Variants in REV1 observed in about 807,000 individuals in gnomAD.
REV1 encodes REV1 DNA directed polymerase.
In REV1, 42 loss-of-function variants were observed where a neutral mutation model predicts 137.4. The observed-to-expected ratio is 0.31, with a 90% CI of 0.24 to 0.40. The LOEUF (loss-of-function observed/expected upper bound fraction) is 0.40. REV1 is among the 10% of genes least tolerant of loss of function. The pLI is 1.00. For synonymous variants in REV1, 524 were observed against 519.2 expected, an observed-to-expected ratio of 1.01 and a Z score of -0.12; for missense variants, 1,282 against 1,490.1, an observed-to-expected ratio of 0.86 and a Z score of 2.30.
At chr2:99,485,543 C>A (rs544601925) in intron 1 of REV1, among the ~76,000 whole-genome samples, 3 of 152,326 alleles carry the variant, frequency 2.0e-5, no homozygotes, top group Non-Finnish European at 4.4e-5. Flanking sequence ...CACGAAGCCT[C>A]CAGCAAGTCC....
chr2:99,409,786 T>C (rs1299468794), intron 14 of REV1, among the ~76,000 whole-genome samples: 2 of 144,330 alleles, frequency 1.4e-5, no homozygotes, highest in Non-Finnish European at 3.0e-5. Flanking sequence ...GAAGTTGCAA[T>C]GAGCCGAGAT....
In REV1 at chr2:99,404,335, G is replaced by C. The variant is rs1207538118; in HGVS notation, c.3045+109C>G. 5 of 825,582 alleles carry C rather than the reference G, an allele frequency of 6.1e-6. No homozygotes were observed. The East Asian group carries it at 1.3e-4, about 22-fold the overall frequency. The allele number at this position is 825,582 out of a possible 1,614,324, so 51.1% of individuals were successfully genotyped here. A position where few individuals can be genotyped will look rare whatever the true frequency, so the allele number is the denominator to read the frequency against. On this transcript the variant is annotated intron_variant, in intron 18 of 22. Coordinates refer to ENST00000258428, the MANE Select transcript of REV1 (RefSeq NM_016316.4). ...CCTCCCCTCCCCTCCCCTCCCCAGT[G>C]GATGTGGTGTCAGATACAGAGGAGA...
chr2:99,451,275 T>C, intron 3 of REV1: 1 of 949,392 alleles, frequency 1.1e-6, no homozygotes, highest in Non-Finnish European at 1.3e-6. Context: ...AAAACGGCTG[T>C]CCTTTACCGA....
At chr2:99,435,151 AG>A (rs1172373841) in intron 7 of REV1, among the ~76,000 whole-genome samples, 1 of 152,200 alleles carries the variant, frequency 6.6e-6, no homozygotes, top group Non-Finnish European at 1.5e-5. Context: ...TTCAGAGCTG[AG>A]GAACTACTAC....
intron 5 of REV1, 146 bp downstream of exon 5, chr2:99,442,171 G>C (rs1382244428): frequency 1.5e-5 from 10 of 662,574 alleles, no homozygotes; most frequent in Non-Finnish European, 2.1e-5. Context: ...AGAATCACTT[G>C]AACCTGGGAG....
intron 1 of REV1, among the ~76,000 whole-genome samples, chr2:99,470,437 G>A (rs1302994890): frequency 6.6e-6 from 1 of 152,134 alleles, no homozygotes; most frequent in African/African-American, 2.4e-5. Flanking sequence ...ACTTCTCTTA[G>A]AAGCAAAATT....
intron 3 of REV1, among the ~76,000 whole-genome samples, chr2:99,452,421 TAA>T (rs577767878): frequency 7.2e-5 from 9 of 125,416 alleles, no homozygotes; most frequent in Non-Finnish European, 1.2e-4. Context: ...AGAGCCTGTC[TAA>T]AAAAAAAAAA....
intron 8 of REV1, 97 bp from the exon 9 acceptor site, chr2:99,430,045 G>C: frequency 1.5e-6 from 1 of 667,122 alleles, no homozygotes; most frequent in Non-Finnish European, 2.4e-6. Flanking sequence ...ATATAAAAAT[G>C]TTCAGTAAAT....
chr2:99,411,112 A>G (rs1446208282), intron 13 of REV1, among the ~76,000 whole-genome samples: 1 of 151,946 alleles, frequency 6.6e-6, no homozygotes, highest in Non-Finnish European at 1.5e-5. Flanking sequence ...ACGTGGTGAA[A>G]CCTCATCTCT....
intron 4 of REV1, among the ~76,000 whole-genome samples, chr2:99,446,453 A>G (rs1336113296): frequency 6.6e-6 from 1 of 152,194 alleles, no homozygotes; most frequent in Non-Finnish European, 1.5e-5. Flanking sequence ...TGGCAAAAAG[A>G]ACACGTGCAA....
At chr2:99,449,227 T>G in intron 4 of REV1, 109 bp downstream of exon 4, 1 of 530,254 alleles carries the variant, frequency 1.9e-6, no homozygotes, top group Non-Finnish European at 2.8e-6. Context: ...ATCATGCCAC[T>G]GCACTCTAGC....
At chr2:99,481,171 A>C (rs910406705) in intron 1 of REV1, among the ~76,000 whole-genome samples, 1 of 152,200 alleles carries the variant, frequency 6.6e-6, no homozygotes, top group Non-Finnish European at 1.5e-5. Context: ...CTACCCATAA[A>C]TATCTCACTT....
At chr2:99,406,713 T>A in intron 15 of REV1, 1 of 357,022 alleles carries the variant, frequency 2.8e-6, no homozygotes, top group Non-Finnish European at 5.0e-6. Context: ...GAGTATCCAA[T>A]TCTCCCAAAA....
Position 99,410,735 on chromosome 2 carries a change from C to A in REV1, c.2305G>T (p.Ala769Ser). 6.2e-7 allele frequency: 1 copy of A among 1,600,102 alleles called. No individual in the cohort carries two copies. The highest frequency in any genetic ancestry group is 8.5e-7 in the Non-Finnish European group (1 of 1,176,340). ...CAAATTCCATGGCCTCCAAATTTTG[C>A]AGTTTCTACAGGAGCCCCAGGCTTT... is the stretch of plus-strand genomic sequence containing the variant. Reference protein sequence around the residue: ...VRKPGAPVETAKFGGHGICDN... With the variant: ...VRKPGAPVETSKFGGHGICDN... Residue 769 changes from alanine (A) to serine (S), a missense_variant, in exon 14 of 23, where the codon GCA (alanine) becomes TCA (serine). Ala to Ser is a moderately conservative substitution (Grantham distance 99). Around this residue, in one of 7 missense-constraint regions of REV1, gnomAD observed 372 missense variants for 482.3 expected, o/e 0.77. Coordinates refer to ENST00000258428, the MANE Select transcript of REV1 (RefSeq NM_016316.4).
At chr2:99,436,784 C>T (rs1489292231) in intron 6 of REV1, 5 of 152,088 alleles carry the variant, frequency 3.3e-5, no homozygotes, top group Non-Finnish European at 7.4e-5. Context: ...CTCTAAGATA[C>T]ACAAATCCTG....
chr2:99,429,114 T>C (rs1679785639), intron 9 of REV1, among the ~76,000 whole-genome samples: 1 of 152,156 alleles, frequency 6.6e-6, no homozygotes, highest in Admixed American at 6.5e-5. Context: ...GGTAAAAATG[T>C]CTGTGTTTGG....
At chr2:99,426,682 C>G (rs974754824) in intron 9 of REV1, among the ~76,000 whole-genome samples, 1 of 152,098 alleles carries the variant, frequency 6.6e-6, no homozygotes, top group South Asian at 2.1e-4. Context: ...AAGACAATTA[C>G]AAAAAAGTCC....
rs149219841 is a variant in REV1, at chr2:99,411,921, T to G, written c.2172+810A>C. ...CATTTCAAATCCTTATGATATGGTG[T>G]TGTTTGTACATACAAATTCAAGACA... On this transcript the variant is annotated intron_variant, in intron 13 of 22. Coordinates refer to ENST00000258428, the MANE Select transcript of REV1 (RefSeq NM_016316.4). 6.6e-5 allele frequency among the ~76,000 whole-genome samples: 10 copies of G among 152,052 alleles called. No individual in the cohort carries two copies. The East Asian group carries it at 7.7e-4, about 12-fold the overall frequency.
At chr2:99,464,466 C>G (rs28369945) in intron 2 of REV1, among the ~76,000 whole-genome samples, 33,371 of 152,130 alleles carry the variant, frequency 0.22, 4,183 homozygotes, top group Admixed American at 0.31. Flanking sequence ...TAACTCAGAG[C>G]ACAGAGGTTT....
Sources: allele counts gnomAD v4.1 joint callset (sites outside exome capture counted in the v4.1 genomes callset), GRCh38; gene constraint gnomAD v4.1.1; regional missense constraint gnomAD v4.1.1; transcripts MANE v1.5; gene names NCBI Gene and HGNC (gene_info 2026-07-23, HGNC 2026-07-21).